Variants in AMOT observed in about 807,000 individuals in gnomAD.
The protein encoded by AMOT is angiomotin.
In AMOT, 11 loss-of-function variants were observed where a neutral mutation model predicts 67.0. The observed-to-expected ratio is 0.16, with a 90% CI of 0.10 to 0.27. AMOT has a LOEUF of 0.27. Among genes scored for constraint, AMOT ranks in the 10% least tolerant of loss-of-function variants. The pLI is 1.00. For missense variants in AMOT, 753 were observed against 852.0 expected, an observed-to-expected ratio of 0.88 and a Z score of 1.45; for synonymous variants, 326 against 321.4, an observed-to-expected ratio of 1.01 and a Z score of -0.15.
Position 112,774,986 on chromosome X carries a change from C to G in AMOT, c.*3581G>C, listed in dbSNP as rs1932907201. ...CTCAGTTGATTACAGAATGGGGTCA[C>G]AATCATTAGGGGACCACATACATTT... is the stretch of plus-strand genomic sequence containing the variant. On this transcript the variant is annotated 3_prime_UTR_variant, in exon 14 of 14. Coordinates refer to ENST00000371959, the MANE Select transcript of AMOT (RefSeq NM_001113490.2). The G allele has an allele frequency of 8.9e-6, 1 of 112,266 alleles. No individual in the cohort carries two copies. Among genetic ancestry groups the G allele is most frequent in the African/African-American group, 3.2e-5 (1 of 30,902 alleles). 9.3% of individuals were successfully genotyped at this position (112,266 alleles called of 1,213,427 possible).
At chrX:112,807,815 C>T (rs757400298) in intron 7 of AMOT, among the ~76,000 whole-genome samples, 1 of 112,281 alleles carries the variant, frequency 8.9e-6, no homozygotes, top group Admixed American at 9.4e-5. Context: ...TCTGTAGCTT[C>T]AAAACCTTTC....
chrX:112,823,779 C>A (rs922595728), intron 3 of AMOT, among the ~76,000 whole-genome samples: 11 of 112,126 alleles, frequency 9.8e-5, no homozygotes, highest in Admixed American at 9.4e-4. Flanking sequence ...TTTAAAAAAT[C>A]ATTTTCATAG....
At chrX:112,835,025 G>A (rs1935098776) in intron 1 of AMOT, among the ~76,000 whole-genome samples, 1 of 112,246 alleles carries the variant, frequency 8.9e-6, no homozygotes, top group Non-Finnish European at 1.9e-5. Flanking sequence ...GGCACTGTAT[G>A]TTATAAGAGA....
At chrX:112,818,651 C>T (rs1934631409) in intron 4 of AMOT, among the ~76,000 whole-genome samples, 1 of 111,336 alleles carries the variant, frequency 9.0e-6, no homozygotes, top group African/African-American at 3.3e-5. Flanking sequence ...GGTGAAGCTC[C>T]CCGTGAGAAA....
intron 4 of AMOT, chrX:112,819,320 C>G (rs1934652490): frequency 4.0e-6 from 3 of 751,098 alleles, no homozygotes; most frequent in Non-Finnish European, 4.7e-6. Context: ...TTGATTGATC[C>G]TCACCACAGA....
In AMOT at chrX:112,782,637, G is replaced by A. The variant is rs767109460; in HGVS notation, c.2143C>T (p.Pro715Ser). 6 of 1,210,930 alleles carry A rather than the reference G, an allele frequency of 5.0e-6. No individual in the cohort carries two copies. The highest frequency in any genetic ancestry group is 5.6e-6 in the Non-Finnish European group (5 of 895,052). ...QRDTTVISHS[P>S]NTSYDTALEA... ...AGAGCTGTGTCATAGCTGGTGTTAGGAGAGTGACTGATGACTGTTGTGTCC... is the reference window on the plus strand; with the variant it reads ...AGAGCTGTGTCATAGCTGGTGTTAGAAGAGTGACTGATGACTGTTGTGTCC... The change falls in exon 11 of 14, where the codon CCT (proline) becomes TCT (serine). Residue 715 changes from proline (P) to serine (S), a missense_variant. By Grantham distance (74) the Pro-to-Ser change is moderately conservative. Coordinates refer to ENST00000371959, the MANE Select transcript of AMOT (RefSeq NM_001113490.2).
intron 8 of AMOT, among the ~76,000 whole-genome samples, chrX:112,792,852 G>A (rs1055043100): frequency 9.0e-6 from 1 of 111,419 alleles, no homozygotes; most frequent in Non-Finnish European, 1.9e-5. Context: ...ATATCCAAAA[G>A]CAAATGTAGA....
At chrX:112,789,408 T>C (rs750321942) in intron 10 of AMOT, among the ~76,000 whole-genome samples, 77 of 111,200 alleles carry the variant, frequency 6.9e-4, no homozygotes, top group African/African-American at 2.4e-3. Context: ...CTTAAGTCCA[T>C]GAGCTTAAGC....
intron 1 of AMOT, among the ~76,000 whole-genome samples, chrX:112,837,468 T>C (rs1290786879): frequency 8.9e-6 from 1 of 112,266 alleles, no homozygotes; most frequent in African/African-American, 3.2e-5. Context: ...TGGATTCTTT[T>C]ATAAAGCAAA....
At chrX:112,789,541 G>A (rs1053536890) in intron 10 of AMOT, among the ~76,000 whole-genome samples, 2 of 110,232 alleles carry the variant, frequency 1.8e-5, no homozygotes, top group African/African-American at 3.3e-5. Flanking sequence ...ATAAAGCACC[G>A]GTTCAGCTCT....
rs774418617 is a variant in AMOT at position 112,813,204 on chromosome X, C to T, written c.1393-1811G>A. Among the ~76,000 whole-genome samples, 3 of 111,766 alleles carry T rather than the reference C, an allele frequency of 2.7e-5. No homozygotes were observed. In the South Asian group the frequency reaches 1.1e-3, roughly 42 times the overall value. ...GCTATTTCAAGATCTTGTACTAATC[C>T]TTCCCCTACCCCCTGTGTAGATACT... On this transcript the variant is annotated intron_variant, in intron 5 of 13. Transcript: ENST00000371959.
chrX:112,811,433 G>A, intron 5 of AMOT, 40 bp from the exon 6 acceptor site: 1 of 1,182,077 alleles, frequency 8.5e-7, no homozygotes, highest in Non-Finnish European at 1.1e-6. Context: ...ATGGTAGGAG[G>A]GTGATGGGGA....
intron 1 of AMOT, among the ~76,000 whole-genome samples, chrX:112,832,752 A>G (rs1471787160): frequency 1.8e-5 from 2 of 112,127 alleles, no homozygotes; most frequent in Non-Finnish European, 3.8e-5. Context: ...AACATAATTG[A>G]GAGCTCCCTG....
Position 112,805,009 on chromosome X carries a change from T to C in AMOT, c.1714A>G (p.Ile572Val). 3 of 1,211,176 alleles carry C rather than the reference T, an allele frequency of 2.5e-6. No individual in the cohort carries two copies. Among genetic ancestry groups the C allele is most frequent in the South Asian group, 3.5e-5 (2 of 56,932 alleles). Reference sequence around the variant, plus strand: ...CTCAGGGCCTGATCTCGGATTTCGATGTGTCGTCTTTGGTCCTCATTGGTA... The same window carrying C: ...CTCAGGGCCTGATCTCGGATTTCGACGTGTCGTCTTTGGTCCTCATTGGTA... ...RSTNEDQRRH[I>V]EIRDQALSNA... The change falls in exon 8 of 14, where the codon ATC (isoleucine) becomes GTC (valine). Residue 572 changes from isoleucine (I) to valine (V), a missense_variant. Physicochemically the swap from Ile to Val is conservative, Grantham distance 29. Around this residue, in one of 5 missense-constraint regions of AMOT, gnomAD observed 66 missense variants for 112.9 expected, o/e 0.58. Coordinates refer to ENST00000371959, the MANE Select transcript of AMOT (RefSeq NM_001113490.2).
rs1933135152 is a variant in AMOT at position 112,780,916 on chromosome X, G to A, written c.2443C>T (p.Arg815Ter). Residue 815 changes from arginine (R) to a stop codon, truncating the protein, a stop_gained, in exon 12 of 14, where the codon CGA (arginine) becomes TGA (stop). Transcript: ENST00000371959. LOFTEE classifies it high-confidence loss of function. ...LTGSPIMEEK[R>*]DDKSWKGSLG... ...CTCCCCTTCCAGCTCTTGTCGTCTC[G>A]CTTTTCTTCCATGATGGGGGAGCCA... 1 of 1,209,869 alleles carries A rather than the reference G, an allele frequency of 8.3e-7. No homozygotes were observed.
Position 112,778,334 on chromosome X carries a change from G to T in AMOT, c.*233C>A. The T allele has an allele frequency of 3.5e-6, 1 of 287,519 alleles. No homozygotes were observed. 23.7% of individuals were successfully genotyped at this position (287,519 alleles called of 1,213,427 possible). On this transcript the variant is annotated 3_prime_UTR_variant, in exon 14 of 14. Coordinates refer to ENST00000371959, the MANE Select transcript of AMOT (RefSeq NM_001113490.2). ...GTATTCGTATAAATTCAAACAATAA[G>T]CTTTAGAGCACATTCTGATTAATCT...
chrX:112,804,750 C>T, intron 8 of AMOT, among the ~76,000 whole-genome samples, 197 bp downstream of exon 8: 1 of 111,133 alleles, frequency 9.0e-6, no homozygotes, highest in East Asian at 2.8e-4. Context: ...TATTTTGGAG[C>T]AAAAGAAAAG....
At chrX:112,799,721 TA>T (rs898251099) in intron 8 of AMOT, among the ~76,000 whole-genome samples, 5 of 109,701 alleles carry the variant, frequency 4.6e-5, no homozygotes, top group African/African-American at 6.7e-5. Flanking sequence ...AATTGAAGAG[TA>T]AAAAAAACCA....
At chrX:112,798,838 C>T (rs1331854905) in intron 8 of AMOT, among the ~76,000 whole-genome samples, 1 of 111,624 alleles carries the variant, frequency 9.0e-6, no homozygotes, top group Non-Finnish European at 1.9e-5. Flanking sequence ...CTCAATCAAT[C>T]ATATGATTTT....
Sources: gnomAD v4.1 joint callset for allele counts (sites outside exome capture counted in the v4.1 genomes callset) on GRCh38, gnomAD v4.1.1 for gene constraint, gnomAD v4.1.1 regional missense constraint, MANE v1.5 for transcripts, NCBI Gene and HGNC (gene_info 2026-07-23, HGNC 2026-07-21) for gene names.